Variants in COIL observed in about 807,000 individuals in gnomAD.
COIL encodes coilin p80.
In COIL, 28 loss-of-function variants were observed where a neutral mutation model predicts 51.6. The observed-to-expected ratio is 0.54, with a 90% CI of 0.40 to 0.74. The LOEUF (loss-of-function observed/expected upper bound fraction) is 0.74. Among genes scored for constraint, COIL ranks in the 30% least tolerant of loss-of-function variants. The pLI is 0.00. For synonymous variants in COIL, 233 were observed against 255.8 expected, an observed-to-expected ratio of 0.91 and a Z score of 0.85; for missense variants, 667 against 685.9, an observed-to-expected ratio of 0.97 and a Z score of 0.31.
intron 1 of COIL, among the ~76,000 whole-genome samples, chr17:56,954,808 A>G (rs1219020051): frequency 6.8e-6 from 1 of 147,688 alleles, no homozygotes; most frequent in Non-Finnish European, 1.5e-5. Flanking sequence ...ATCTGGGAAG[A>G]AAAAAAAAAA....
chr17:56,953,097 G>A (rs1910403674), intron 1 of COIL, among the ~76,000 whole-genome samples: 1 of 151,948 alleles, frequency 6.6e-6, no homozygotes, highest in Non-Finnish European at 1.5e-5. Flanking sequence ...GGGCAACATA[G>A]GGAGACCCTG....
At position 56,939,099 on chromosome 17, in the gene COIL, CT is replaced by C. The variant is rs2144387807; in HGVS notation, c.1702del (p.Ser568ValfsTer17). 4 of 1,600,832 alleles carry C rather than the reference CT, an allele frequency of 2.5e-6. No homozygotes were observed. In the East Asian group the frequency reaches 8.9e-5, roughly 36 times the overall value. On this transcript the variant is annotated frameshift_variant, in exon 7 of 7. Transcript: ENST00000240316. LOFTEE classifies it high-confidence loss of function. ...GGCAGGTTCTGTACTTGATGTGTTA[CT>C]TGGAGATTCAATAATCAGTCTTGGG... ...IDPRLIIESP[S>X]NTSSTEPA
chr17:56,939,174 AC>A lies in COIL; in HGVS notation c.1648-21del. 1 of 1,399,822 alleles carries A rather than the reference AC, an allele frequency of 7.1e-7. No individual in the cohort carries two copies. Among genetic ancestry groups the A allele is most frequent in the Non-Finnish European group, 1.0e-6 (1 of 985,540 alleles). 86.7% of individuals were successfully genotyped at this position (1,399,822 alleles called of 1,614,324 possible). On this transcript the variant is annotated intron_variant, in intron 6 of 6. Coordinates refer to ENST00000240316, the MANE Select transcript of COIL (RefSeq NM_004645.3). ...AGTGATCTGAGGAAAAAGACAAAAT[AC>A]CCAGTTTAGGCACTTCATTTTGAGG...
chr17:56,958,636 A>G (rs1910524848), intron 1 of COIL, among the ~76,000 whole-genome samples: 2 of 148,662 alleles, frequency 1.3e-5, no homozygotes, highest in Admixed American at 6.6e-5. Context: ...ATGATTCATT[A>G]AAGTATAATT....
chr17:56,945,013 T>A (rs1160162589), intron 5 of COIL, among the ~76,000 whole-genome samples: 1 of 150,188 alleles, frequency 6.7e-6, no homozygotes. Flanking sequence ...ACACTCCGTC[T>A]CAAAAATAAA....
chr17:56,951,057 T>C (rs1244048603), intron 1 of COIL, 61 bp from the exon 2 acceptor site: 7 of 1,439,406 alleles, frequency 4.9e-6, no homozygotes, highest in South Asian at 2.7e-5. Flanking sequence ...CTCCAGGACA[T>C]AGTTATATAC....
intron 1 of COIL, among the ~76,000 whole-genome samples, chr17:56,953,965 T>C (rs945279788): frequency 1.4e-4 from 22 of 152,324 alleles, no homozygotes; most frequent in African/African-American, 5.1e-4. Flanking sequence ...TGGCATCCTG[T>C]GAATCTAAGA....
At chr17:56,946,032 A>C (rs991916873) in intron 5 of COIL, among the ~76,000 whole-genome samples, 3 of 152,176 alleles carry the variant, frequency 2.0e-5, no homozygotes, top group East Asian at 3.8e-4. Flanking sequence ...TTTCTTAAAT[A>C]AGGCAAGATT....
At chr17:56,953,293 CCCAG>C (rs1472782211) in intron 1 of COIL, among the ~76,000 whole-genome samples, 1 of 151,650 alleles carries the variant, frequency 6.6e-6, no homozygotes, top group Non-Finnish European at 1.5e-5. Context: ...CGCCTGTAGT[CCCAG>C]CTACTCGGGA....
chr17:56,942,533 T>A (rs76564473), intron 5 of COIL, among the ~76,000 whole-genome samples: 2 of 152,076 alleles, frequency 1.3e-5, no homozygotes, highest in African/African-American at 4.8e-5. Context: ...CTTTTTTTTT[T>A]AAGACAGAGT....
At chr17:56,951,786 A>C (rs949960049) in intron 1 of COIL, 3 of 149,686 alleles carry the variant, frequency 2.0e-5, no homozygotes, top group African/African-American at 7.4e-5. Context: ...TCTTTTTTTT[A>C]TTTTTATTTT....
At chr17:56,957,795 G>A (rs1487317837) in intron 1 of COIL, among the ~76,000 whole-genome samples, 1 of 152,156 alleles carries the variant, frequency 6.6e-6, no homozygotes, top group Non-Finnish European at 1.5e-5. Context: ...AACACAGGGG[G>A]CTCCAAGCCA....
At chr17:56,940,399 C>T (rs116031671) in intron 6 of COIL, among the ~76,000 whole-genome samples, 3,256 of 152,256 alleles carry the variant, frequency 0.021, 134 homozygotes, top group African/African-American at 0.074. Flanking sequence ...GCATGAGCCA[C>T]GGTGCCCAGC....
chr17:56,939,159 G>A lies in COIL; in HGVS notation c.1648-5C>T, dbSNP rs373326311. On this transcript the variant is annotated splice_polypyrimidine_tract_variant and splice_region_variant and intron_variant, in intron 6 of 6. Coordinates refer to ENST00000240316, the MANE Select transcript of COIL (RefSeq NM_004645.3). ...CTCTTTCCAAAATACAGTGATCTGA[G>A]GAAAAAGACAAAATACCCAGTTTAG... 1.9e-5 allele frequency: 30 copies of A among 1,548,108 alleles called. No individual in the cohort carries two copies. Among genetic ancestry groups the A allele is most frequent in the Admixed American group, 5.1e-5 (3 of 59,368 alleles).
chr17:56,944,682 T>C (rs1910211499), intron 5 of COIL, among the ~76,000 whole-genome samples: 1 of 152,134 alleles, frequency 6.6e-6, no homozygotes, highest in Non-Finnish European at 1.5e-5. Context: ...CTCTTTCGAC[T>C]GATTTCTGTT....
intron 5 of COIL, 23 bp from the exon 6 acceptor site, chr17:56,942,146 A>G (rs754479006): frequency 1.3e-6 from 2 of 1,564,166 alleles, no homozygotes; most frequent in Non-Finnish European, 1.8e-6. Context: ...GATAGGGAGG[A>G]AAGAGAGTAA....
intron 1 of COIL, among the ~76,000 whole-genome samples, chr17:56,954,500 G>T (rs1313726053): frequency 1.3e-5 from 2 of 151,750 alleles, no homozygotes; most frequent in African/African-American, 4.8e-5. Flanking sequence ...GGCAGAGGGT[G>T]CAGTAAGCCA....
Position 56,943,944 on chromosome 17 carries a change from C to T in COIL, c.1559-1821G>A, listed in dbSNP as rs374391347. Among the ~76,000 whole-genome samples the T allele has an allele frequency of 1.3e-4, 20 of 152,220 alleles. No individual in the cohort carries two copies. The South Asian group carries it at 3.1e-3, about 24-fold the overall frequency. Reference sequence around the variant, plus strand: ...GCAGTGACGCAATCATGACTCACTGCAGCCTCGACCTCCTGGGCTCAAGTG... The same window carrying T: ...GCAGTGACGCAATCATGACTCACTGTAGCCTCGACCTCCTGGGCTCAAGTG... On this transcript the variant is annotated intron_variant, in intron 5 of 6. Transcript: ENST00000240316.
At chr17:56,939,559 G>A (rs1163578405) in intron 6 of COIL, among the ~76,000 whole-genome samples, 1 of 152,094 alleles carries the variant, frequency 6.6e-6, no homozygotes, top group African/African-American at 2.4e-5. Context: ...AGACCAGCCT[G>A]GCCAACCTGT....
Sources: gnomAD v4.1 joint callset for allele counts (sites outside exome capture counted in the v4.1 genomes callset) on GRCh38, gnomAD v4.1.1 for gene constraint, MANE v1.5 for transcripts, NCBI Gene and HGNC (gene_info 2026-07-23, HGNC 2026-07-21) for gene names.